The following RHPN2 variants were observed in gnomAD, a reference collection of about 807,000 sequenced individuals.
RHPN2 encodes the protein rhophilin-2.
RHPN2 carries 40 observed loss-of-function variants against 79.0 expected under a neutral mutation model. That is an observed-to-expected ratio of 0.51 (90% CI 0.39 to 0.66). The LOEUF (loss-of-function observed/expected upper bound fraction) is 0.66. Ranked by LOEUF, RHPN2 falls within the 30% of genes least tolerant of loss-of-function variation. RHPN2 has a pLI of 0.00. For synonymous variants in RHPN2, 285 were observed against 363.5 expected (o/e 0.78, Z 2.46); for missense variants, 686 against 883.5 (o/e 0.78, Z 2.83).
chr19:33,055,022 T>A (rs963794973), intron 1 of RHPN2, among the ~76,000 whole-genome samples: 1 of 152,012 alleles, frequency 6.6e-6, no homozygotes, highest in African/African-American at 2.4e-5. Context: ...GACCCTCCCC[T>A]CTCCAAGGCC....
At position 33,023,438 on chromosome 19, in the gene RHPN2, A is replaced by G. The variant is rs573180156; in HGVS notation, c.315-1792T>C. ...CAAAAGAGCGAGACTCCATCTCAGG[A>G]AAAAAAAAAAAAAAGAAAAAAAAAA... On this transcript the variant is annotated intron_variant, in intron 3 of 14. Transcript: ENST00000254260. 9.9e-5 allele frequency among the ~76,000 whole-genome samples: 13 copies of G among 131,376 alleles called. No homozygotes were observed. The East Asian group carries it at 2.1e-3, about 21-fold the overall frequency. 86.2% of individuals were successfully genotyped at this position (131,376 alleles called of 152,430 possible).
chr19:32,990,377 C>T, intron 14 of RHPN2, 137 bp downstream of exon 14: 2 of 927,860 alleles, frequency 2.2e-6, no homozygotes, highest in Non-Finnish European at 3.5e-6. Context: ...ACAGTGATTA[C>T]AAGCCTGGGA....
intron 1 of RHPN2, among the ~76,000 whole-genome samples, chr19:33,057,379 TGA>T (rs1432480694): frequency 6.6e-6 from 1 of 151,282 alleles, no homozygotes; most frequent in Non-Finnish European, 1.5e-5. Context: ...AAGAAAAAAG[TGA>T]GAGACATGAT....
At chr19:33,002,464 T>G (rs1971757580) in intron 8 of RHPN2, 61 bp from the exon 9 acceptor site, 12 of 1,603,722 alleles carry the variant, frequency 7.5e-6, no homozygotes, top group African/African-American at 5.3e-5. Context: ...TGAACCCATT[T>G]GCAGAGAAAG....
At chr19:33,002,515 T>C in intron 8 of RHPN2, 112 bp from the exon 9 acceptor site, 2 of 1,358,024 alleles carry the variant, frequency 1.5e-6, no homozygotes, top group Non-Finnish European at 2.1e-6. Context: ...TGCCAGGGGC[T>C]GCTCCAGAAT....
intron 4 of RHPN2, among the ~76,000 whole-genome samples, chr19:33,019,775 GAAAAAGAAAAAA>G (rs1971908219): frequency 6.8e-6 from 1 of 146,268 alleles, no homozygotes; most frequent in African/African-American, 2.5e-5. Context: ...AAATAATAAA[GAAAAAGAAAAAA>G]AAAAAGAACG....
chr19:33,034,605 C>CAAA (rs71176187), intron 2 of RHPN2, among the ~76,000 whole-genome samples: 12,752 of 95,414 alleles, frequency 0.13, 1,479 homozygotes, highest in East Asian at 0.32. Context: ...GACTCCGTCT[C>CAAA]AAAAAAAAAA....
chr19:33,021,194 TC>T (rs1971921096), intron 4 of RHPN2, among the ~76,000 whole-genome samples: 1 of 152,128 alleles, frequency 6.6e-6, no homozygotes. Flanking sequence ...AGGAGGAGCT[TC>T]AGAAGCCATC....
At chr19:33,045,073 G>T (rs1395921423) in intron 1 of RHPN2, among the ~76,000 whole-genome samples, 1 of 140,584 alleles carries the variant, frequency 7.1e-6, no homozygotes. Context: ...TTTTTTTGGA[G>T]ATGGAGTCTC....
Position 32,990,556 on chromosome 19 carries a change from G to A in RHPN2, c.1758C>T (p.Ile586=), listed in dbSNP as rs141840917. The change falls in exon 14 of 15, where the codon ATC becomes ATT. Residue 586 remains isoleucine, a synonymous_variant. Transcript: ENST00000254260. ...CCAGGAGGCTCACGACTTTCATCTC[G>A]ATCTCGTCCTCGCCAAAGCTCTTCA... is the stretch of plus-strand genomic sequence containing the variant. ...KLLKSFGEDE[I]EMKVVSLLDS... The A allele has an allele frequency of 4.2e-5, 68 of 1,613,816 alleles. No homozygotes were observed. The highest frequency in any genetic ancestry group is 2.5e-4 in the African/African-American group (19 of 75,016).
intron 1 of RHPN2, among the ~76,000 whole-genome samples, chr19:33,047,803 T>C (rs1482265861): frequency 6.6e-6 from 1 of 152,058 alleles, no homozygotes; most frequent in Non-Finnish European, 1.5e-5. Flanking sequence ...CCCAAGCACT[T>C]TGAGAGGCTG....
intron 1 of RHPN2, among the ~76,000 whole-genome samples, chr19:33,063,560 T>C (rs1972299410): frequency 6.6e-6 from 1 of 152,228 alleles, no homozygotes; most frequent in South Asian, 2.1e-4. Context: ...CTCTCAGTGA[T>C]CCCTGGCCAA....
At chr19:33,037,031 T>C (rs1599829206) in intron 2 of RHPN2, among the ~76,000 whole-genome samples, 1 of 152,208 alleles carries the variant, frequency 6.6e-6, no homozygotes, top group Non-Finnish European at 1.5e-5. Flanking sequence ...GCGGCCCTGG[T>C]GTGGGATCCA....
intron 4 of RHPN2, among the ~76,000 whole-genome samples, chr19:33,014,246 C>G (rs1971860730): frequency 6.6e-6 from 1 of 151,424 alleles, no homozygotes; most frequent in Non-Finnish European, 1.5e-5. Flanking sequence ...GACACACAAA[C>G]AGACAAACAC....
intron 3 of RHPN2, among the ~76,000 whole-genome samples, chr19:33,023,657 C>T (rs1022393492): frequency 7.3e-5 from 11 of 150,810 alleles, no homozygotes; most frequent in African/African-American, 1.7e-4. Context: ...AGGTGGCGGG[C>T]GCCTTTAGTC....
Position 32,999,602 on chromosome 19 carries a change from C to T in RHPN2, c.1209G>A (p.Gln403=), listed in dbSNP as rs1416865440. The change falls in exon 10 of 15, where the codon CAG becomes CAA. Residue 403 remains glutamine (Q), a synonymous_variant. Coordinates refer to ENST00000254260, the MANE Select transcript of RHPN2 (RefSeq NM_033103.5). The stretch of plus-strand genomic sequence containing the variant: ...GACACGCACCCAGCTGTCGGCGCTG[C>T]TGATCATTCTTCAGTGTGGCCAAGG... ...LTPLATLKND[Q]QRRQLGKSHL... 6.2e-7 allele frequency: 1 copy of T among 1,612,326 alleles called. No homozygotes were observed.
At chr19:33,021,361 T>C (rs1386680924) in intron 4 of RHPN2, among the ~76,000 whole-genome samples, 1 of 152,184 alleles carries the variant, frequency 6.6e-6, no homozygotes, top group East Asian at 1.9e-4. Context: ...TCTCCATTTT[T>C]TTTCTTTTTT....
chr19:33,046,305 G>A (rs746932909), intron 1 of RHPN2, among the ~76,000 whole-genome samples: 42 of 152,008 alleles, frequency 2.8e-4, no homozygotes, highest in South Asian at 8.3e-4. Flanking sequence ...TTGTTCTGTC[G>A]TCCAGGCTTG....
intron 2 of RHPN2, among the ~76,000 whole-genome samples, chr19:33,042,045 C>T (rs1198733768): frequency 6.6e-6 from 1 of 152,084 alleles, no homozygotes; most frequent in African/African-American, 2.4e-5. Flanking sequence ...TTCAATTAGC[C>T]AGGTGTGCTG....
Sources: gnomAD v4.1 joint callset for allele counts (sites outside exome capture counted in the v4.1 genomes callset) on GRCh38, gnomAD v4.1.1 for gene constraint, MANE v1.5 for transcripts, NCBI Gene and HGNC (gene_info 2026-07-23, HGNC 2026-07-21) for gene names.